The following RBFOX1 variants were observed in gnomAD, a reference collection of about 807,000 sequenced individuals.
RBFOX1 encodes RNA binding fox-1 homolog 1.
Under a neutral mutation model 57.7 loss-of-function variants are expected in RBFOX1, and 8 were observed. That is an observed-to-expected ratio of 0.14 (90% confidence interval 0.08 to 0.25). RBFOX1 has a LOEUF of 0.25. Ranked by LOEUF, RBFOX1 falls within the 10% of genes least tolerant of loss-of-function variation. The probability of loss-of-function intolerance (pLI) is 1.00; values close to 1 mark genes in which losing one functional copy is unlikely to be tolerated. For missense variants in RBFOX1, 611 were observed against 548.5 expected, an observed-to-expected ratio of 1.11 and a Z score of -1.14; for synonymous variants, 326 against 222.4, an observed-to-expected ratio of 1.47 and a Z score of -4.15.
intron 1 of RBFOX1, among the ~76,000 whole-genome samples, chr16:5,456,605 CCA>C (rs2068637882): frequency 6.6e-6 from 1 of 152,166 alleles, no homozygotes; most frequent in Non-Finnish European, 1.5e-5. Context: ...TTCTCACCTG[CCA>C]CACACAGTCA....
chr16:7,579,965 C>T, intron 6 of RBFOX1, 45 bp downstream of exon 6: 2 of 1,596,036 alleles, frequency 1.3e-6, no homozygotes, highest in Non-Finnish European at 8.6e-7. Flanking sequence ...CTGGGGGTTC[C>T]AGAGACCTCC....
intron 2 of RBFOX1, among the ~76,000 whole-genome samples, chr16:6,593,539 G>C (rs2097744448): frequency 1.3e-5 from 2 of 152,234 alleles, no homozygotes; most frequent in East Asian, 3.9e-4. Context: ...CTAGAATCGA[G>C]GATTGTGGCT....
intron 2 of RBFOX1, among the ~76,000 whole-genome samples, chr16:6,462,216 C>T (rs1009182140): frequency 3.9e-5 from 6 of 152,176 alleles, no homozygotes; most frequent in Non-Finnish European, 7.3e-5. Flanking sequence ...TCCCCATCTA[C>T]CTTCGCAGTC....
At chr16:7,145,621 G>C (rs909456084) in intron 4 of RBFOX1, among the ~76,000 whole-genome samples, 1 of 152,006 alleles carries the variant, frequency 6.6e-6, no homozygotes, top group Non-Finnish European at 1.5e-5. Flanking sequence ...ATGTTAGTGG[G>C]GGTATTTAGG....
At chr16:6,053,038 G>A (rs1222468572) in intron 1 of RBFOX1, among the ~76,000 whole-genome samples, 1 of 151,962 alleles carries the variant, frequency 6.6e-6, no homozygotes, top group Non-Finnish European at 1.5e-5. Flanking sequence ...ATTTTACCTG[G>A]ATCTTGCATT....
intron 3 of RBFOX1, among the ~76,000 whole-genome samples, chr16:6,828,989 CTG>C (rs77729612): frequency 0.091 from 13,797 of 152,116 alleles, 859 homozygotes; most frequent in East Asian, 0.32. Flanking sequence ...TTATAAATCT[CTG>C]TACTTCCACT....
At chr16:6,805,021 C>T (rs1189544954) in intron 3 of RBFOX1, among the ~76,000 whole-genome samples, 1 of 152,154 alleles carries the variant, frequency 6.6e-6, no homozygotes, top group East Asian at 1.9e-4. Flanking sequence ...TACCATTTGA[C>T]CTACCAGTCC....
chr16:7,057,272 T>G (rs899267522), intron 4 of RBFOX1, among the ~76,000 whole-genome samples: 1 of 152,124 alleles, frequency 6.6e-6, no homozygotes, highest in African/African-American at 2.4e-5. Context: ...TTGTTTGGAA[T>G]GCAAACAATA....
chr16:6,976,487 G>T (rs1435240470), intron 3 of RBFOX1, among the ~76,000 whole-genome samples: 3 of 152,022 alleles, frequency 2.0e-5, no homozygotes, highest in Non-Finnish European at 4.4e-5. Context: ...CCAAGAGGGG[G>T]TTTTTAGATC....
intron 1 of RBFOX1, among the ~76,000 whole-genome samples, chr16:5,306,355 T>C (rs2063933452): frequency 6.6e-6 from 1 of 151,822 alleles, no homozygotes; most frequent in African/African-American, 2.4e-5. Flanking sequence ...GTTTCACCCT[T>C]GTCACCCAGG....
intron 1 of RBFOX1, among the ~76,000 whole-genome samples, chr16:5,359,109 C>A (rs1364134726): frequency 2.0e-5 from 3 of 152,196 alleles, no homozygotes; most frequent in African/African-American, 7.2e-5. Flanking sequence ...ATAGTGACCT[C>A]CAGTTTCATC....
At chr16:6,596,728 G>T (rs974788298) in intron 2 of RBFOX1, among the ~76,000 whole-genome samples, 2 of 152,150 alleles carry the variant, frequency 1.3e-5, no homozygotes, top group Non-Finnish European at 2.9e-5. Context: ...GTAAGTCTTA[G>T]CTGGGCTCTG....
chr16:5,266,039 C>A (rs1362252240), intron 1 of RBFOX1, among the ~76,000 whole-genome samples: 6 of 132,604 alleles, frequency 4.5e-5, no homozygotes, highest in Non-Finnish European at 6.6e-5. Flanking sequence ...AGGCACCAGG[C>A]TGATTAAAAA....
intron 2 of RBFOX1, among the ~76,000 whole-genome samples, chr16:6,377,785 G>T (rs981679): frequency 0.62 from 93,880 of 152,066 alleles, 29,743 homozygotes; most frequent in African/African-American, 0.75. Context: ...TGTAATTTTA[G>T]ATAGAGGCGG....
At chr16:7,682,599 T>A (rs993734923) in intron 14 of RBFOX1, among the ~76,000 whole-genome samples, 4 of 151,428 alleles carry the variant, frequency 2.6e-5, no homozygotes, top group Non-Finnish European at 5.9e-5. Context: ...CTCTCTTGGG[T>A]TCTATAATTT....
chr16:5,638,927 G>A (rs2048773055), intron 3 of RBFOX1, among the ~76,000 whole-genome samples: 1 of 152,140 alleles, frequency 6.6e-6, no homozygotes, highest in Non-Finnish European at 1.5e-5. Context: ...CAACTCAAAT[G>A]TCCCCTGCTC....
At chr16:6,779,188 A>G (rs942483961) in intron 3 of RBFOX1, among the ~76,000 whole-genome samples, 1 of 151,938 alleles carries the variant, frequency 6.6e-6, no homozygotes, top group Non-Finnish European at 1.5e-5. Flanking sequence ...CCTTCCTTGC[A>G]TTTGGTAAAC....
chr16:6,600,539 C>T (rs138416239), intron 2 of RBFOX1, among the ~76,000 whole-genome samples: 61 of 152,292 alleles, frequency 4.0e-4, no homozygotes, highest in African/African-American at 1.2e-3. Context: ...CAGAGACGAA[C>T]GCTGTGGTGA....
At chr16:6,455,720 A>G (rs2094754633) in intron 2 of RBFOX1, among the ~76,000 whole-genome samples, 1 of 152,172 alleles carries the variant, frequency 6.6e-6, no homozygotes, top group Admixed American at 6.5e-5. Flanking sequence ...CAAAGCAGGA[A>G]TGGAGGGGGT....
Sources: gnomAD v4.1 joint callset for allele counts (sites outside exome capture counted in the v4.1 genomes callset) on GRCh38, gnomAD v4.1.1 for gene constraint, MANE v1.5 for transcripts, NCBI Gene and HGNC (gene_info 2026-07-23, HGNC 2026-07-21) for gene names.